SETD3: variants seen among roughly 807,000 people sequenced by gnomAD.
SETD3 encodes SET domain containing 3, actin N3(tau)-histidine methyltransferase, also known as actin-histidine N-methyltransferase.
In SETD3, 19 loss-of-function variants were observed where a neutral mutation model predicts 63.0. The observed-to-expected ratio is 0.30, with a 90% CI of 0.21 to 0.44. SETD3 has a LOEUF of 0.44. Among genes scored for constraint, SETD3 ranks in the 20% least tolerant of loss-of-function variants. SETD3 has a pLI of 1.00. For synonymous variants in SETD3, 286 were observed against 264.1 expected (o/e 1.08, Z -0.80); for missense variants, 587 against 728.5 (o/e 0.81, Z 2.24).
At chr14:99,405,392 A>C (rs1462025583) in intron 9 of SETD3, 21 bp from the exon 10 acceptor site, 1 of 1,607,786 alleles carries the variant, frequency 6.2e-7, no homozygotes, top group South Asian at 1.1e-5. Flanking sequence ...GTAAAGAAAA[A>C]AGAAAAGGGC....
intron 6 of SETD3, among the ~76,000 whole-genome samples, chr14:99,431,491 G>T (rs565194831): frequency 3.0e-4 from 45 of 152,034 alleles, no homozygotes; most frequent in Non-Finnish European, 5.1e-4. Context: ...GCATTAGTAG[G>T]AATTTTTTTT....
In SETD3 at chr14:99,398,686, T is replaced by C. The variant is rs1374089608; in HGVS notation, c.1778A>G (p.Lys593Arg). ...GSSSDSTAGV[K>R]E ...ATCCAGCTTCACCTCGAGCTACTCC[T>C]TAACTCCAGCAGTGCTGTCTGAAGA... The change falls in exon 13 of 13, where the codon AAG becomes AGG. Residue 593 changes from lysine to arginine, a missense_variant. Lys to Arg is a conservative substitution (Grantham distance 26, BLOSUM62 2). Transcript: ENST00000331768. 6 of 1,613,194 alleles carry C rather than the reference T, an allele frequency of 3.7e-6. No individual in the cohort carries two copies. The Admixed American group carries it at 8.3e-5, about 22-fold the overall frequency.
chr14:99,470,897 C>A (rs554031411), intron 1 of SETD3, among the ~76,000 whole-genome samples: 1 of 152,326 alleles, frequency 6.6e-6, no homozygotes, highest in Non-Finnish European at 1.5e-5. Context: ...CAGCTCCCCA[C>A]ATCCCACCTT....
At chr14:99,443,874 A>T (rs1306414710) in intron 6 of SETD3, among the ~76,000 whole-genome samples, 1 of 152,226 alleles carries the variant, frequency 6.6e-6, no homozygotes, top group African/African-American at 2.4e-5. Flanking sequence ...GCTGCCTTGC[A>T]AAATCAGATC....
chr14:99,486,013 G>T, the SETD3 span, among the ~76,000 whole-genome samples: 2 of 151,846 alleles, frequency 1.3e-5, no homozygotes, highest in Admixed American at 6.6e-5. Context: ...ATCCTATACC[G>T]TACAAATTAC....
rs1334419777 is a variant in SETD3, at chr14:99,398,289, C to T, written c.*390G>A. ...GTATCCCCAAGTCCCGCCACCAATTCTGGCTGGCAGGAGGCAGAGCAAGCT... is the reference window on the plus strand; with the variant it reads ...GTATCCCCAAGTCCCGCCACCAATTTTGGCTGGCAGGAGGCAGAGCAAGCT... On this transcript the variant is annotated 3_prime_UTR_variant, in exon 13 of 13. Transcript: ENST00000331768. The T allele has an allele frequency of 5.9e-6, 1 of 168,332 alleles. No individual in the cohort carries two copies. Among genetic ancestry groups the T allele is most frequent in the African/African-American group, 2.4e-5 (1 of 41,778 alleles). 10.4% of individuals were successfully genotyped at this position (168,332 alleles called of 1,614,324 possible). A position where few individuals can be genotyped will look rare whatever the true frequency, so the allele number is the denominator to read the frequency against.
chr14:99,481,685 G>A, upstream of SETD3: 1 of 388,868 alleles, frequency 2.6e-6, no homozygotes, highest in East Asian at 3.7e-5. Flanking sequence ...AGGCGCCGGG[G>A]CGGGGCAGGG....
intron 6 of SETD3, among the ~76,000 whole-genome samples, chr14:99,445,992 T>C (rs887650419): frequency 6.6e-6 from 1 of 151,580 alleles, no homozygotes; most frequent in Admixed American, 6.6e-5. Context: ...GGGACTGGAG[T>C]TGGGGAGAGA....
At chr14:99,447,788 T>C (rs999273116) in intron 6 of SETD3, among the ~76,000 whole-genome samples, 1 of 152,192 alleles carries the variant, frequency 6.6e-6, no homozygotes, top group African/African-American at 2.4e-5. Context: ...TCCTCATAGC[T>C]TGGGGGAAAA....
chr14:99,475,590 C>CT (rs1895934063), intron 1 of SETD3, among the ~76,000 whole-genome samples: 1 of 152,232 alleles, frequency 6.6e-6, no homozygotes, highest in Admixed American at 6.5e-5. Flanking sequence ...CTTCTCCAGG[C>CT]TTAATGTGCC....
At chr14:99,410,485 C>A (rs1276590234) in intron 8 of SETD3, among the ~76,000 whole-genome samples, 1 of 152,126 alleles carries the variant, frequency 6.6e-6, no homozygotes, top group Non-Finnish European at 1.5e-5. Context: ...ACTGATTATT[C>A]CAACATACTC....
At chr14:99,468,997 C>A (rs747478840) in intron 1 of SETD3, among the ~76,000 whole-genome samples, 4 of 152,196 alleles carry the variant, frequency 2.6e-5, no homozygotes, top group Non-Finnish European at 5.9e-5. Context: ...GAAGCTTCTA[C>A]CCAGGTTTCC....
intron 6 of SETD3, among the ~76,000 whole-genome samples, chr14:99,433,717 G>A (rs1893311584): frequency 1.3e-5 from 2 of 152,128 alleles, no homozygotes; most frequent in Admixed American, 6.5e-5. Context: ...GATTACACGT[G>A]TGAGCTACCA....
chr14:99,429,201 G>C (rs1248623083), intron 6 of SETD3, among the ~76,000 whole-genome samples: 2 of 152,104 alleles, frequency 1.3e-5, no homozygotes, highest in African/African-American at 2.4e-5. Context: ...CAGGAACCCA[G>C]TAAATGTTAG....
At chr14:99,437,219 T>C (rs1893534722) in intron 6 of SETD3, among the ~76,000 whole-genome samples, 1 of 152,164 alleles carries the variant, frequency 6.6e-6, no homozygotes. Flanking sequence ...TTGAGTAAAG[T>C]GCTACCTCAA....
At chr14:99,400,368 G>A (rs761700854) in intron 11 of SETD3, 109 bp from the exon 12 acceptor site, 127 of 1,211,624 alleles carry the variant, frequency 1.0e-4, no homozygotes, top group Non-Finnish European at 1.3e-4. Context: ...ATTTTCCCAC[G>A]GTAAAAGCTG....
chr14:99,424,455 G>C lies in SETD3; in HGVS notation c.676-10521C>G, dbSNP rs553681199. Among the ~76,000 whole-genome samples the C allele has an allele frequency of 1.5e-4, 23 of 152,296 alleles. 1 individual carries two copies. Among genetic ancestry groups the C allele is most frequent in the African/African-American group, 5.1e-4 (21 of 41,558 alleles). The stretch of plus-strand genomic sequence containing the variant: ...CGGGGAGAGCCAGGCTGCTGGGGCT[G>C]GAAGAACTCTCAGTGTGGAATGTTC... On this transcript the variant is annotated intron_variant, in intron 6 of 12. Coordinates refer to ENST00000331768, the MANE Select transcript of SETD3 (RefSeq NM_032233.3).
chr14:99,480,303 C>A (rs1480311970), intron 1 of SETD3, among the ~76,000 whole-genome samples: 1 of 151,994 alleles, frequency 6.6e-6, no homozygotes, highest in Non-Finnish European at 1.5e-5. Flanking sequence ...AGCCGACTAG[C>A]GCGAGGGGCC....
chr14:99,437,440 C>T (rs1420673744), intron 6 of SETD3, among the ~76,000 whole-genome samples: 3 of 152,230 alleles, frequency 2.0e-5, no homozygotes, highest in Admixed American at 6.5e-5. Flanking sequence ...GGCTACTCCG[C>T]CAACCCCTCA....
Sources: gnomAD v4.1 joint callset for allele counts (sites outside exome capture counted in the v4.1 genomes callset) on GRCh38, gnomAD v4.1.1 for gene constraint, MANE v1.5 for transcripts, NCBI Gene and HGNC (gene_info 2026-07-23, HGNC 2026-07-21) for gene names.